The following PTH2 variants were observed in gnomAD, a reference collection of about 807,000 sequenced individuals.
The protein encoded by PTH2 is tuberoinfundibular 39 residue protein.
A neutral mutation model predicts 6.2 loss-of-function variants in PTH2; 5 were observed. The observed-to-expected ratio is 0.80, with a 90% CI of 0.42 to 1.69. The LOEUF (loss-of-function observed/expected upper bound fraction) is 1.69, where lower values mean the gene tolerates loss of function less well. PTH2 is among the 40% of genes most tolerant of loss of function. The pLI, the probability that PTH2 is intolerant of heterozygous loss-of-function variation, is 0.02. For synonymous variants in PTH2, 67 were observed against 73.6 expected, an observed-to-expected ratio of 0.91 and a Z score of 0.46; for missense variants, 156 against 142.5, an observed-to-expected ratio of 1.09 and a Z score of -0.48.
At position 49,423,211 on chromosome 19, in the gene PTH2, C is replaced by A. The variant is rs1201545229; in HGVS notation, c.128+1G>T. The stretch of plus-strand genomic sequence containing the variant: ...CTGGGAGTTCTGGGACTGGCACCTA[C>A]CTGAGGACCCCGACCGGGGGCAGGG... On this transcript the variant is annotated splice_donor_variant, in intron 1 of 1. Transcript: ENST00000270631. LOFTEE classifies it high-confidence loss of function. 6.2e-7 allele frequency: 1 copy of A among 1,613,276 alleles called. No individual in the cohort carries two copies. Among genetic ancestry groups the A allele is most frequent in the Non-Finnish European group, 8.5e-7 (1 of 1,179,558 alleles).
In PTH2 at chr19:49,422,630, TG is replaced by T. The variant is rs1975029435; in HGVS notation, c.140del (p.Pro47GlnfsTer41). On this transcript the variant is annotated frameshift_variant, in exon 2 of 2. Transcript: ENST00000270631. LOFTEE classifies it high-confidence loss of function. Reference sequence around the variant, plus strand: ...TGGCGGGATCCGCCCAGGCCCGTCCTGGGGGGCGGAGGCTGTGGAGAGACGC... The same window carrying T: ...TGGCGGGATCCGCCCAGGCCCGTCCTGGGGGCGGAGGCTGTGGAGAGACGC... ...PPVGVLSLRP[P>X]GRAWADPATP... 3 of 1,424,192 alleles carry T rather than the reference TG, an allele frequency of 2.1e-6. No homozygotes were observed. The highest frequency in any genetic ancestry group is 1.6e-5 in the South Asian group (1 of 64,428). 88.2% of individuals were successfully genotyped at this position (1,424,192 alleles called of 1,614,324 possible).
At position 49,423,273 on chromosome 19, in the gene PTH2, C is replaced by CCACCAG. The variant is rs1975037531; in HGVS notation, c.66_67insCTGGTG (p.Leu22_Val23insLeuVal). The CCACCAG allele has an allele frequency of 6.8e-7, 1 of 1,468,654 alleles. No individual in the cohort carries two copies. Among genetic ancestry groups the CCACCAG allele is most frequent in the African/African-American group, 1.4e-5 (1 of 71,558 alleles). 91.0% of individuals were successfully genotyped at this position (1,468,654 alleles called of 1,614,324 possible). The stretch of plus-strand genomic sequence containing the variant: ...GCAGTGCGGACGCCCCAGGGCACCA[C>CCACCAG]CAGCAGCAGCAGCAGCAGCAGCAGC... On this transcript the variant is annotated inframe_insertion, in exon 1 of 2. Transcript: ENST00000270631.
chr19:49,423,090 C>T (rs1975034855), intron 1 of PTH2, 122 bp downstream of exon 1: 6 of 1,281,650 alleles, frequency 4.7e-6, no homozygotes, highest in South Asian at 2.9e-5. Flanking sequence ...CGCTGGGTCT[C>T]GGTCGCCCTC....
chr19:49,422,582 C>T lies in PTH2; in HGVS notation c.189G>A (p.Leu63=). Residue 63 remains leucine, a synonymous_variant, in exon 2 of 2, where the codon CTG becomes CTA. Transcript: ENST00000270631. ...GGAAGGCCGCGTCGTCCGCCAGCGC[C>T]AGGCTCCTCCGCGGCCTGGGGGTGG... The part of the protein sequence containing the change: ...DPATPRPRRS[L]ALADDAAFRE... 1 of 1,567,062 alleles carries T rather than the reference C, an allele frequency of 6.4e-7. No homozygotes were observed. The highest frequency in any genetic ancestry group is 8.6e-7 in the Non-Finnish European group (1 of 1,160,728).
chr19:49,422,770 T>C, intron 1 of PTH2, 128 bp from the exon 2 acceptor site: 1 of 860,724 alleles, frequency 1.2e-6, no homozygotes, highest in East Asian at 3.2e-5. Context: ...CCCCTGTCTC[T>C]CTCGTTCTCT....
chr19:49,423,073 G>T, intron 1 of PTH2, 139 bp downstream of exon 1: 1 of 1,103,126 alleles, frequency 9.1e-7, no homozygotes, highest in Non-Finnish European at 1.3e-6. Context: ...CCTAGTCTCT[G>T]TCTTCTCGCT....
rs1454193796 is a variant in PTH2 at position 49,423,312 on chromosome 19, G to A, written c.28C>T (p.Pro10Ser). ...AGCAGCAGCAGCAGCCGAACCCGAG[G>A]GCTCCTGGACACCTGGCGGGTCTCC... METRQVSRS[P>S]RVRLLLLLLL... Residue 10 changes from proline to serine, a missense_variant, in exon 1 of 2, where the codon CCT becomes TCT. Transcript: ENST00000270631. 1.2e-6 allele frequency: 2 copies of A among 1,607,936 alleles called. No homozygotes were observed. Among genetic ancestry groups the A allele is most frequent in the Non-Finnish European group, 1.7e-6 (2 of 1,177,290 alleles).
chr19:49,423,060 A>C (rs1600974256), intron 1 of PTH2, 152 bp downstream of exon 1: 10 of 917,884 alleles, frequency 1.1e-5, no homozygotes, highest in African/African-American at 5.5e-5. Context: ...GCCTTCCCCC[A>C]CCCCTAGTCT....
chr19:49,423,261 C>T lies in PTH2; in HGVS notation c.79G>A (p.Gly27Ser), dbSNP rs1221797623. The change falls in exon 1 of 2, where the codon GGC becomes AGC. Residue 27 changes from glycine (G) to serine (S), a missense_variant. By Grantham distance (56) the Gly-to-Ser change is moderately conservative (BLOSUM62 0). Transcript: ENST00000270631. ...LLLLLLVVPW[G>S]VRTASGVALP... ...GCGACTCCCGAGGCAGTGCGGACGC[C>T]CCAGGGCACCACCAGCAGCAGCAGC... 6.2e-7 allele frequency: 1 copy of T among 1,613,452 alleles called. No homozygotes were observed. Among genetic ancestry groups the T allele is most frequent in the East Asian group, 2.2e-5 (1 of 44,882 alleles).
chr19:49,423,267 G>C lies in PTH2; in HGVS notation c.73C>G (p.Pro25Ala), dbSNP rs1568630068. ...LLLLLLLLVV[P>A]WGVRTASGVA... ...CCCGAGGCAGTGCGGACGCCCCAGG[G>C]CACCACCAGCAGCAGCAGCAGCAGC... Residue 25 changes from proline (P) to alanine (A), a missense_variant, in exon 1 of 2, where the codon CCC (proline) becomes GCC (alanine). Pro to Ala is a conservative substitution (Grantham distance 27, BLOSUM62 -1). Coordinates refer to ENST00000270631, the MANE Select transcript of PTH2 (RefSeq NM_178449.4). 3.7e-6 allele frequency: 6 copies of C among 1,612,438 alleles called. No homozygotes were observed. The South Asian group carries it at 4.4e-5, about 12-fold the overall frequency.
At position 49,422,523 on chromosome 19, in the gene PTH2, C is replaced by A; in HGVS notation, c.248G>T (p.Arg83Leu). ...CATGTACGAGTTCAGCCAGTGGCGG[C>A]GCTCGAGGGCGGCCAGCAACCGCGC... ...ERARLLAALE[R>L]RHWLNSYMHK... Residue 83 changes from arginine to leucine, a missense_variant, in exon 2 of 2, where the codon CGC (arginine) becomes CTC (leucine). By Grantham distance (102) the Arg-to-Leu change is moderately radical. Coordinates refer to ENST00000270631, the MANE Select transcript of PTH2 (RefSeq NM_178449.4). 6.3e-7 allele frequency: 1 copy of A among 1,597,646 alleles called. No homozygotes were observed.
At chr19:49,422,930 C>T (rs1241372912) in intron 1 of PTH2, among the ~76,000 whole-genome samples, 1 of 152,212 alleles carries the variant, frequency 6.6e-6, no homozygotes, top group Non-Finnish European at 1.5e-5. Context: ...GAATCCGTTT[C>T]TGCAACGACT....
chr19:49,423,273 C>CCAGCAG lies in PTH2; in HGVS notation c.61_66dup (p.Leu21_Leu22dup), dbSNP rs72555384. ...GCAGTGCGGACGCCCCAGGGCACCA[C>CCAGCAG]CAGCAGCAGCAGCAGCAGCAGCAGC... On this transcript the variant is annotated inframe_insertion, in exon 1 of 2. Transcript: ENST00000270631. The CCAGCAG allele has an allele frequency of 2.5e-4, 391 of 1,580,956 alleles. 1 individual carries two copies. Among genetic ancestry groups the CCAGCAG allele is most frequent in the South Asian group, 2.4e-3 (212 of 87,998 alleles).
At chr19:49,422,843 G>A (rs1975032014) in intron 1 of PTH2, among the ~76,000 whole-genome samples, 1 of 152,174 alleles carries the variant, frequency 6.6e-6, no homozygotes. Flanking sequence ...GACCGAGTCT[G>A]ATGCACTTGT....
At chr19:49,422,961 CT>C (rs1324670947) in intron 1 of PTH2, among the ~76,000 whole-genome samples, 1 of 152,202 alleles carries the variant, frequency 6.6e-6, no homozygotes, top group East Asian at 1.9e-4. Flanking sequence ...CTCTCCACGC[CT>C]TTCTCGGGAT....
Position 49,422,543 on chromosome 19 carries a change from CCG to C in PTH2, c.226_227del (p.Arg76ValfsTer?), listed in dbSNP as rs752073634. 12 of 1,595,654 alleles carry C rather than the reference CCG, an allele frequency of 7.5e-6. No individual in the cohort carries two copies. In the African/African-American group the frequency reaches 8.3e-5, roughly 11 times the overall value. Reference protein sequence around the residue: ...ADDAAFRERARLLAALERRHW... With the variant: ...ADDAAFRERAXLLAALERRHW... The stretch of plus-strand genomic sequence containing the variant: ...GGCGGCGCTCGAGGGCGGCCAGCAA[CCG>C]CGCGCGCTCCCGGAAGGCCGCGTCG... On this transcript the variant is annotated frameshift_variant, in exon 2 of 2. Transcript: ENST00000270631. LOFTEE classifies it high-confidence loss of function.
At chr19:49,423,158 T>A (rs1483499115) in intron 1 of PTH2, 54 bp downstream of exon 1, 2 of 1,591,796 alleles carry the variant, frequency 1.3e-6, no homozygotes, top group Non-Finnish European at 8.6e-7. Context: ...TTGGTTCTCT[T>A]CCCACTTCTC....
In PTH2 at chr19:49,423,373, G is replaced by A; in HGVS notation, c.-34C>T. Reference sequence around the variant, plus strand: ...GAGAACCAGAAAGGGGCTCAGTAGGGCTGCATCCCGGCCCAGAACCCCGGG... The same window carrying A: ...GAGAACCAGAAAGGGGCTCAGTAGGACTGCATCCCGGCCCAGAACCCCGGG... On this transcript the variant is annotated 5_prime_UTR_variant, in exon 1 of 2. Transcript: ENST00000270631. 4 of 1,547,096 alleles carry A rather than the reference G, an allele frequency of 2.6e-6. No individual in the cohort carries two copies. The highest frequency in any genetic ancestry group is 1.2e-5 in the South Asian group (1 of 84,920).
chr19:49,422,723 G>C (rs1220881117), intron 1 of PTH2, 81 bp from the exon 2 acceptor site: 1 of 1,260,800 alleles, frequency 7.9e-7, no homozygotes, highest in Admixed American at 3.8e-5. Context: ...TCGAAGCCCC[G>C]TTACTGCCCA....
Sources: gnomAD v4.1 joint callset for allele counts (sites outside exome capture counted in the v4.1 genomes callset) on GRCh38, gnomAD v4.1.1 for gene constraint, MANE v1.5 for transcripts, NCBI Gene and HGNC (gene_info 2026-07-23, HGNC 2026-07-21) for gene names.